The following COL4A1 variants were observed in gnomAD, a reference collection of about 807,000 sequenced individuals.
The protein encoded by COL4A1 is collagen alpha-1(IV) chain.
A neutral mutation model predicts 216.6 loss-of-function variants in COL4A1; 40 were observed. That is an observed-to-expected ratio of 0.18 (90% CI 0.14 to 0.24). The LOEUF is 0.24. Among genes scored for constraint, COL4A1 ranks in the 10% least tolerant of loss-of-function variants. The pLI, the probability that COL4A1 is intolerant of heterozygous loss-of-function variation, is 1.00. For synonymous variants in COL4A1, 839 were observed against 810.7 expected (o/e 1.03, Z -0.59); for missense variants, 1,628 against 2,196.8 (o/e 0.74, Z 5.18).
At chr13:110,175,111 G>T in intron 37 of COL4A1, 107 bp downstream of exon 37, 2 of 1,400,254 alleles carry the variant, frequency 1.4e-6, no homozygotes, top group Non-Finnish European at 2.0e-6. Flanking sequence ...GGGACTCCCT[G>T]TGTGTTATGG....
intron 1 of COL4A1, among the ~76,000 whole-genome samples, chr13:110,290,230 A>G (rs1468507515): frequency 1.2e-4 from 19 of 152,236 alleles, no homozygotes; most frequent in Non-Finnish European, 1.5e-5. Context: ...GTGCGAACAC[A>G]CTAAGCTACA....
At chr13:110,227,247 CA>C in intron 2 of COL4A1, among the ~76,000 whole-genome samples, 1 of 152,168 alleles carries the variant, frequency 6.6e-6, no homozygotes, top group East Asian at 1.9e-4. Context: ...AACTGGGTTA[CA>C]GTTTGCAAAT....
intron 1 of COL4A1, among the ~76,000 whole-genome samples, chr13:110,278,005 C>A (rs1232665353): frequency 3.9e-5 from 6 of 152,220 alleles, no homozygotes; most frequent in African/African-American, 4.8e-5. Context: ...TCTCCCCTTT[C>A]AAAATGATCC....
intron 1 of COL4A1, among the ~76,000 whole-genome samples, chr13:110,304,695 G>A (rs1884617758): frequency 6.6e-6 from 1 of 152,204 alleles, no homozygotes; most frequent in African/African-American, 2.4e-5. Flanking sequence ...CCACCCATGA[G>A]TACGTAAACA....
chr13:110,197,211 A>AC (rs1878941481), intron 21 of COL4A1, among the ~76,000 whole-genome samples: 1 of 72,258 alleles, frequency 1.4e-5, no homozygotes, highest in Non-Finnish European at 2.7e-5. Flanking sequence ...TCCCCTGCCC[A>AC]CCCCCCACCC....
intron 2 of COL4A1, among the ~76,000 whole-genome samples, chr13:110,228,685 G>C (rs1880863910): frequency 6.6e-6 from 1 of 152,174 alleles, no homozygotes; most frequent in South Asian, 2.1e-4. Context: ...CCCTCCCTTT[G>C]GGTTCACGGC....
intron 1 of COL4A1, among the ~76,000 whole-genome samples, chr13:110,250,954 A>G (rs1326203044): frequency 6.6e-6 from 1 of 152,202 alleles, no homozygotes; most frequent in Non-Finnish European, 1.5e-5. Flanking sequence ...CCACCCATAG[A>G]GTTGTCACTC....
chr13:110,155,630 G>A (rs956473105), intron 49 of COL4A1, among the ~76,000 whole-genome samples: 2 of 152,224 alleles, frequency 1.3e-5, no homozygotes, highest in Non-Finnish European at 2.9e-5. Flanking sequence ...GAGCAGGATG[G>A]CTGGGGGCGG....
chr13:110,247,650 G>A (rs1197250649), intron 1 of COL4A1, among the ~76,000 whole-genome samples: 2 of 152,136 alleles, frequency 1.3e-5, no homozygotes, highest in African/African-American at 2.4e-5. Flanking sequence ...TGGTTTTCTC[G>A]CATCTACAGA....
intron 26 of COL4A1, among the ~76,000 whole-genome samples, chr13:110,184,342 T>C (rs915673716): frequency 6.6e-6 from 1 of 152,134 alleles, no homozygotes; most frequent in African/African-American, 2.4e-5. Flanking sequence ...GCTCTGGAAA[T>C]CTGCAGATGT....
intron 1 of COL4A1, among the ~76,000 whole-genome samples, chr13:110,288,274 A>AAAATAAT (rs1555316110): frequency 5.7e-5 from 8 of 139,462 alleles, no homozygotes; most frequent in South Asian, 2.3e-4. Context: ...AAAAAAAAAA[A>AAAATAAT]AATAATAATA....
chr13:110,222,978 T>C (rs1234776874), intron 2 of COL4A1, among the ~76,000 whole-genome samples: 2 of 151,978 alleles, frequency 1.3e-5, no homozygotes, highest in Non-Finnish European at 2.9e-5. Flanking sequence ...AAATTAAATA[T>C]AAAAACTAGT....
intron 17 of COL4A1, among the ~76,000 whole-genome samples, chr13:110,204,565 A>G (rs376705284): frequency 6.6e-6 from 1 of 150,894 alleles, no homozygotes; most frequent in Non-Finnish European, 1.5e-5. Flanking sequence ...GACTTACATT[A>G]CCTAGTCTCA....
Position 110,177,899 on chromosome 13 carries a change from G to A in COL4A1, c.2659C>T (p.Pro887Ser), listed in dbSNP as rs1055161168. The part of the protein sequence containing the change: ...SKGEMGVMGT[P>S]GQPGSPGPVG... ...GGTCCTGGTGAGCCCGGCTGCCCGG[G>A]GGTCCCCATGACGCCCATTTCTCCC... The change falls in exon 33 of 52, where the codon CCC becomes TCC. Residue 887 changes from proline to serine, a missense_variant. This residue lies in a region of COL4A1 where 701 missense variants were observed against 892.5 expected (regional missense o/e 0.79). Transcript: ENST00000375820. 4.3e-6 allele frequency: 7 copies of A among 1,614,006 alleles called. No homozygotes were observed. Among genetic ancestry groups the A allele is most frequent in the African/African-American group, 1.3e-5 (1 of 74,902 alleles).
Position 110,152,521 on chromosome 13 carries a change from C to T in COL4A1, c.4756-15G>A, listed in dbSNP as rs1040826004. ...GCGCTGGTGTGCTGCAGAACAGATG[C>T]GAGCCGTGAGTCAGAGGTTCCCTCC... is the stretch of plus-strand genomic sequence containing the variant. On this transcript the variant is annotated splice_polypyrimidine_tract_variant and intron_variant, in intron 50 of 51. Transcript: ENST00000375820. The T allele has an allele frequency of 8.7e-6, 14 of 1,603,406 alleles. No individual in the cohort carries two copies. The highest frequency in any genetic ancestry group is 1.1e-5 in the South Asian group (1 of 90,460).
At chr13:110,237,646 G>C (rs61963294) in intron 2 of COL4A1, among the ~76,000 whole-genome samples, 15,645 of 152,266 alleles carry the variant, frequency 0.1, 1,064 homozygotes, top group South Asian at 0.17. Context: ...TCGGCCCCAG[G>C]CCTGGCCCAA....
Position 110,209,075 on chromosome 13 carries a change from A to T in COL4A1, c.652-185T>A, listed in dbSNP as rs12868210. Among the ~76,000 whole-genome samples the T allele has an allele frequency of 0.26, 39,751 of 152,052 alleles. 5,398 individuals carry two copies. The highest frequency in any genetic ancestry group is 0.32 in the Admixed American group (4,830 of 15,284). ...TTCAATGTCTATGAAAAAGTTTTTA[A>T]AGTATGACTGATCAAAAATTCCAAA... On this transcript the variant is annotated intron_variant, in intron 11 of 51. Coordinates refer to ENST00000375820, the MANE Select transcript of COL4A1 (RefSeq NM_001845.6).
intron 36 of COL4A1, 109 bp downstream of exon 36, chr13:110,176,315 C>A: frequency 2.5e-6 from 2 of 785,154 alleles, no homozygotes; most frequent in Non-Finnish European, 4.6e-6. Context: ...GAAAGACACA[C>A]GTGCCTGGAT....
At chr13:110,210,234 T>C (rs374546055) in intron 8 of COL4A1, 22 bp from the exon 9 acceptor site, 51 of 1,609,166 alleles carry the variant, frequency 3.2e-5, no homozygotes, top group Admixed American at 1.3e-4. Flanking sequence ...AGAAAGAAAA[T>C]AGAAAGTTGC....
Sources: allele counts gnomAD v4.1 joint callset (sites outside exome capture counted in the v4.1 genomes callset), GRCh38; gene constraint gnomAD v4.1.1; regional missense constraint gnomAD v4.1.1; transcripts MANE v1.5; gene names NCBI Gene and HGNC (gene_info 2026-07-23, HGNC 2026-07-21).